HERC1: variants seen among roughly 807,000 people sequenced by gnomAD.
The protein encoded by HERC1 is probable E3 ubiquitin-protein ligase HERC1.
Under a neutral mutation model 554.3 loss-of-function variants are expected in HERC1, and 160 were observed. The ratio of observed to expected loss-of-function variants is 0.29; its 90% confidence interval spans 0.25 to 0.33. The LOEUF is 0.33. HERC1 is among the 10% of genes least tolerant of loss of function. HERC1 has a pLI of 1.00. For synonymous variants in HERC1, 2,175 were observed against 2,131.7 expected (o/e 1.02, Z -0.56); for missense variants, 4,919 against 5,918.5 (o/e 0.83, Z 5.54).
chr15:63,776,695 G>C (rs1327163430), intron 1 of HERC1, among the ~76,000 whole-genome samples: 2 of 152,174 alleles, frequency 1.3e-5, no homozygotes, highest in African/African-American at 4.8e-5. Context: ...GCTGGGCATG[G>C]TGGCTCACAC....
intron 1 of HERC1, among the ~76,000 whole-genome samples, chr15:63,792,416 G>C (rs2076679299): frequency 6.6e-6 from 1 of 152,136 alleles, no homozygotes; most frequent in African/African-American, 2.4e-5. Flanking sequence ...ATAACTTCTA[G>C]TGCAGAAGAT....
In HERC1 at chr15:63,694,607, A is replaced by G; in HGVS notation, c.5243-58T>C. ...TTTCAGTAAACAAAGCATTTATTAA[A>G]ATGAATAATTTTCTAAAATATTAAT... On this transcript the variant is annotated intron_variant, in intron 28 of 77. Coordinates refer to ENST00000443617, the MANE Select transcript of HERC1 (RefSeq NM_003922.4). The surrounding 1 kb of genome is among the most constrained non-coding windows in gnomAD (Gnocchi z 4.3). The G allele has an allele frequency of 6.7e-7, 1 of 1,490,406 alleles. No homozygotes were observed. Among genetic ancestry groups the G allele is most frequent in the Non-Finnish European group, 9.2e-7 (1 of 1,082,628 alleles). The allele number at this position is 1,490,406 out of a possible 1,614,324, so 92.3% of individuals were successfully genotyped here. A position where few individuals can be genotyped will look rare whatever the true frequency, so the allele number is the denominator to read the frequency against.
chr15:63,613,354 C>G (rs1444924242), intron 76 of HERC1, among the ~76,000 whole-genome samples: 1 of 152,150 alleles, frequency 6.6e-6, no homozygotes, highest in East Asian at 1.9e-4. Flanking sequence ...AGGGTGCAAC[C>G]AGGGGCTGCC....
intron 34 of HERC1, among the ~76,000 whole-genome samples, chr15:63,684,994 G>C (rs1157000061): frequency 6.6e-6 from 1 of 152,222 alleles, no homozygotes; most frequent in Non-Finnish European, 1.5e-5. Context: ...GGGTGACAGA[G>C]CAAGACTCCG....
At position 63,775,765 on chromosome 15, in the gene HERC1, C is replaced by A; in HGVS notation, c.-26-116G>T. 2 of 721,796 alleles carry A rather than the reference C, an allele frequency of 2.8e-6. No individual in the cohort carries two copies. The highest frequency in any genetic ancestry group is 1.9e-5 in the South Asian group (1 of 51,868). The allele number at this position is 721,796 out of a possible 1,614,324, so 44.7% of individuals were successfully genotyped here. ...CAAACTGGTGAAATGCAGCCGGGTG[C>A]GGTGGCTCACGCCTGTAATCCCAAC... On this transcript the variant is annotated intron_variant, in intron 1 of 77. Coordinates refer to ENST00000443617, the MANE Select transcript of HERC1 (RefSeq NM_003922.4). This position sits in a 1 kb window ranked among gnomAD's most constrained non-coding sequence, Gnocchi z 4.0.
intron 37 of HERC1, among the ~76,000 whole-genome samples, chr15:63,675,996 T>TGA (rs537448957): frequency 3.7e-4 from 56 of 151,672 alleles, no homozygotes; most frequent in African/African-American, 1.3e-3. Flanking sequence ...CTCTGACTAC[T>TGA]GAGTTCAAGA....
intron 64 of HERC1, among the ~76,000 whole-genome samples, chr15:63,636,514 G>A (rs761409118): frequency 2.0e-5 from 3 of 151,890 alleles, no homozygotes; most frequent in Non-Finnish European, 4.4e-5. Flanking sequence ...CAAGTGATCC[G>A]CCCACCTCGG....
chr15:63,805,956 AAAAAC>A (rs542287595), intron 1 of HERC1, among the ~76,000 whole-genome samples: 116 of 152,042 alleles, frequency 7.6e-4, no homozygotes, highest in African/African-American at 2.8e-3. Context: ...ACAAAAAAAA[AAAAAC>A]AAACAAAACC....
In HERC1 at chr15:63,637,603, T is replaced by C. The variant is rs768164221; in HGVS notation, c.12134A>G (p.Asn4045Ser). ...GQNCTFVIQANGTVLACGEGS... is the reference protein window; with the variant it reads ...GQNCTFVIQASGTVLACGEGS... ...TTCCCCACAAGCCAACACTGTGCCATTGGCCTGGATGACAAAGGTACAATT... is the reference window on the plus strand; with the variant it reads ...TTCCCCACAAGCCAACACTGTGCCACTGGCCTGGATGACAAAGGTACAATT... The change falls in exon 64 of 78, where the codon AAT (asparagine) becomes AGT (serine). Residue 4045 changes from asparagine to serine, a missense_variant. This residue lies in a region of HERC1 where 122 missense variants were observed against 195.2 expected (regional missense o/e 0.63). Coordinates refer to ENST00000443617, the MANE Select transcript of HERC1 (RefSeq NM_003922.4). The C allele has an allele frequency of 6.4e-7, 1 of 1,553,530 alleles. No individual in the cohort carries two copies. The highest frequency in any genetic ancestry group is 8.7e-7 in the Non-Finnish European group (1 of 1,147,562).
chr15:63,756,331 G>T lies in HERC1; in HGVS notation c.1533+106C>A. The T allele has an allele frequency of 1.2e-6, 1 of 869,174 alleles. No individual in the cohort carries two copies. Among genetic ancestry groups the T allele is most frequent in the South Asian group, 1.7e-5 (1 of 60,166 alleles). 53.8% of individuals were successfully genotyped at this position (869,174 alleles called of 1,614,324 possible). A position where few individuals can be genotyped will look rare whatever the true frequency, so the allele number is the denominator to read the frequency against. On this transcript the variant is annotated intron_variant, in intron 5 of 77. Transcript: ENST00000443617. This position sits in a 1 kb window ranked among gnomAD's most constrained non-coding sequence, Gnocchi z 5.0. ...AGAGATACAAAAGATTAAGCCAAAG[G>T]GTTGAAGGGGCAACTGCAGAAAGAA...
rs561716616 is a variant in HERC1 at position 63,608,877 on chromosome 15, C to T, written c.*204G>A. On this transcript the variant is annotated 3_prime_UTR_variant, in exon 78 of 78. Coordinates refer to ENST00000443617, the MANE Select transcript of HERC1 (RefSeq NM_003922.4). ...GGGAAAAACCTGACTGAGAGCACTTCGTTTTTGTTGTTTTTGTACAATCAC... is the reference window on the plus strand; with the variant it reads ...GGGAAAAACCTGACTGAGAGCACTTTGTTTTTGTTGTTTTTGTACAATCAC... The T allele has an allele frequency of 2.8e-4, 129 of 452,782 alleles. 3 individuals are homozygous for T. In the South Asian group the frequency reaches 5.8e-3, roughly 20 times the overall value. 28.0% of individuals were successfully genotyped at this position (452,782 alleles called of 1,614,324 possible).
In HERC1 at chr15:63,680,893, T is replaced by C; in HGVS notation, c.6226-117A>G. ...TAATACTAATGCATTTATGGAAACA[T>C]GTTATTTTCAGCATAAATAAAAATA... On this transcript the variant is annotated intron_variant, in intron 34 of 77. Transcript: ENST00000443617. The surrounding 1 kb of genome is among the most constrained non-coding windows in gnomAD (Gnocchi z 5.8). The C allele has an allele frequency of 1.5e-6, 1 of 656,848 alleles. No homozygotes were observed. Among genetic ancestry groups the C allele is most frequent in the Non-Finnish European group, 2.6e-6 (1 of 389,216 alleles). 40.7% of individuals were successfully genotyped at this position (656,848 alleles called of 1,614,324 possible). A position where few individuals can be genotyped will look rare whatever the true frequency, so the allele number is the denominator to read the frequency against.
At chr15:63,644,500 T>G (rs891263942) in intron 57 of HERC1, among the ~76,000 whole-genome samples, 1 of 142,992 alleles carries the variant, frequency 7.0e-6, no homozygotes, top group Non-Finnish European at 1.5e-5. Flanking sequence ...AGCTTCTTTG[T>G]TTTTTTTTTC....
chr15:63,753,976 C>A (rs947688374), intron 7 of HERC1, among the ~76,000 whole-genome samples: 3 of 152,028 alleles, frequency 2.0e-5, no homozygotes, highest in African/African-American at 7.2e-5. Flanking sequence ...AAGTTCGAGG[C>A]CAGCCTGGGC....
At chr15:63,668,114 GTTAA>G (rs1164717775) in intron 40 of HERC1, among the ~76,000 whole-genome samples, 4 of 152,206 alleles carry the variant, frequency 2.6e-5, no homozygotes, top group African/African-American at 7.2e-5. Flanking sequence ...TTCAAAGAAA[GTTAA>G]TTAATTCAAA....
chr15:63,810,974 A>G (rs2077288253), intron 1 of HERC1, among the ~76,000 whole-genome samples: 1 of 152,214 alleles, frequency 6.6e-6, no homozygotes, highest in Admixed American at 6.5e-5. Context: ...ACATTGTAGG[A>G]CATTGTATAA....
chr15:63,623,935 T>C, intron 72 of HERC1, 45 bp from the exon 73 acceptor site: 2 of 1,592,292 alleles, frequency 1.3e-6, no homozygotes, highest in Non-Finnish European at 1.7e-6. Context: ...CTCTTACCAA[T>C]TTCCCCAAAA....
chr15:63,696,269 A>G lies in HERC1; in HGVS notation c.4976T>C (p.Leu1659Pro). The G allele has an allele frequency of 6.2e-7, 1 of 1,613,476 alleles. No homozygotes were observed. The highest frequency in any genetic ancestry group is 8.5e-7 in the Non-Finnish European group (1 of 1,179,682). Reference sequence around the variant, plus strand: ...GCCTGAACTCAATCTGCTTCCTGCCAGTGAGATGCTACCTTTTTCTTCCAT... The same window carrying G: ...GCCTGAACTCAATCTGCTTCCTGCCGGTGAGATGCTACCTTTTTCTTCCAT... ...SGMEEKGSIS[L>P]AGSRLSSGFQ... is the part of the protein sequence containing the mutation. The change falls in exon 27 of 78, where the codon CTG (leucine) becomes CCG (proline). Residue 1659 changes from leucine to proline, a missense_variant. Around this residue, in one of 11 missense-constraint regions of HERC1, gnomAD observed 1,121 missense variants for 1,244.0 expected, o/e 0.90. Transcript: ENST00000443617.
rs943458884 is a variant in HERC1, at chr15:63,662,633, T to C, written c.8901+351A>G. Among the ~76,000 whole-genome samples the C allele has an allele frequency of 5.9e-5, 9 of 152,328 alleles. No homozygotes were observed. In the South Asian group the frequency reaches 8.3e-4, roughly 14 times the overall value. On this transcript the variant is annotated intron_variant, in intron 44 of 77. Coordinates refer to ENST00000443617, the MANE Select transcript of HERC1 (RefSeq NM_003922.4). ...TGAAGGAGAAGAACATGCATTCAGA[T>C]AGCAATGTGAGCACAGCAGCCATGT...
Sources: gnomAD v4.1 joint callset for allele counts (sites outside exome capture counted in the v4.1 genomes callset) on GRCh38, gnomAD v4.1.1 for gene constraint, gnomAD v4.1.1 regional missense constraint, Gnocchi (gnomAD v3.1) non-coding constraint, MANE v1.5 for transcripts, NCBI Gene and HGNC (gene_info 2026-07-23, HGNC 2026-07-21) for gene names.